Variants in TMEM178B observed in about 807,000 individuals in gnomAD.
TMEM178B encodes transmembrane protein 178B.
TMEM178B carries 5 observed loss-of-function variants against 31.0 expected under a neutral mutation model. That is an observed-to-expected ratio of 0.16 (90% CI 0.08 to 0.34). The LOEUF (loss-of-function observed/expected upper bound fraction) is 0.34. TMEM178B is among the 10% of genes least tolerant of loss of function. The pLI, the probability that TMEM178B is intolerant of heterozygous loss-of-function variation, is 1.00. For synonymous variants in TMEM178B, 164 were observed against 164.0 expected, an observed-to-expected ratio of 1.00 and a Z score of 0.00; for missense variants, 275 against 400.3, an observed-to-expected ratio of 0.69 and a Z score of 2.67.
chr7:141,150,850 C>G (rs537020355), intron 1 of TMEM178B, among the ~76,000 whole-genome samples: 6 of 152,222 alleles, frequency 3.9e-5, no homozygotes, highest in African/African-American at 1.4e-4. Context: ...AAGGGATACA[C>G]TTGGTGTAGA....
At chr7:141,335,354 T>C (rs190140664) in intron 2 of TMEM178B, among the ~76,000 whole-genome samples, 1 of 152,320 alleles carries the variant, frequency 6.6e-6, no homozygotes, top group East Asian at 1.9e-4. Context: ...TCTTCCTCTC[T>C]TCTGCCTCAG....
intron 2 of TMEM178B, among the ~76,000 whole-genome samples, chr7:141,215,821 T>A (rs1357664241): frequency 2.5e-5 from 2 of 79,812 alleles, no homozygotes; most frequent in Non-Finnish European, 5.5e-5. Context: ...TTTCTTTCTT[T>A]CTTTCTTTCT....
At chr7:141,087,497 TTAAA>T (rs921788759) in intron 1 of TMEM178B, among the ~76,000 whole-genome samples, 2 of 152,118 alleles carry the variant, frequency 1.3e-5, no homozygotes, top group African/African-American at 4.8e-5. Context: ...AGATTGAACT[TTAAA>T]TAGATAGAGC....
intron 2 of TMEM178B, among the ~76,000 whole-genome samples, chr7:141,244,848 A>T (rs918984885): frequency 6.6e-6 from 1 of 152,006 alleles, no homozygotes. Context: ...ACAAAGAAGG[A>T]TGCACAGGGC....
intron 2 of TMEM178B, among the ~76,000 whole-genome samples, chr7:141,348,465 A>G (rs1213311177): frequency 6.6e-6 from 1 of 152,220 alleles, no homozygotes; most frequent in Non-Finnish European, 1.5e-5. Context: ...GTGTTAGAAG[A>G]AAGACAGGTT....
chr7:141,197,726 G>A (rs551394658), intron 1 of TMEM178B, among the ~76,000 whole-genome samples: 73 of 152,238 alleles, frequency 4.8e-4, no homozygotes, highest in African/African-American at 1.7e-3. Context: ...TCCACCTCCT[G>A]GGTTCAAGTG....
At chr7:141,260,075 T>G (rs998534127) in intron 2 of TMEM178B, among the ~76,000 whole-genome samples, 5 of 152,162 alleles carry the variant, frequency 3.3e-5, no homozygotes, top group Non-Finnish European at 5.9e-5. Flanking sequence ...TCTGGATCTC[T>G]TTGTTGTATG....
intron 2 of TMEM178B, among the ~76,000 whole-genome samples, chr7:141,247,204 T>TACACAC (rs3035767): frequency 1.4e-3 from 216 of 150,084 alleles, no homozygotes; most frequent in African/African-American, 5.0e-3. Context: ...GGTTTCTCTC[T>TACACAC]ACACACACAC....
intron 3 of TMEM178B, among the ~76,000 whole-genome samples, chr7:141,456,568 T>C (rs1801968314): frequency 1.3e-5 from 2 of 152,158 alleles, no homozygotes; most frequent in Admixed American, 1.3e-4. Flanking sequence ...GCGGCTTTCT[T>C]TGCAAAAGCC....
chr7:141,400,840 G>A (rs540613802), intron 2 of TMEM178B, among the ~76,000 whole-genome samples: 113 of 152,332 alleles, frequency 7.4e-4, no homozygotes, highest in Non-Finnish European at 1.0e-3. Flanking sequence ...AACACAGAGT[G>A]TGCAAGGACA....
At chr7:141,195,784 T>C (rs1253129922) in intron 1 of TMEM178B, among the ~76,000 whole-genome samples, 1 of 152,186 alleles carries the variant, frequency 6.6e-6, no homozygotes, top group Non-Finnish European at 1.5e-5. Context: ...TCATTGAACT[T>C]ACAGTTCCAC....
chr7:141,293,914 A>T (rs1798588432), intron 2 of TMEM178B, among the ~76,000 whole-genome samples: 1 of 152,160 alleles, frequency 6.6e-6, no homozygotes, highest in Non-Finnish European at 1.5e-5. Flanking sequence ...AAAGAATATG[A>T]AGTTGTTATG....
At chr7:141,315,681 G>A (rs544389096) in intron 2 of TMEM178B, among the ~76,000 whole-genome samples, 40 of 152,102 alleles carry the variant, frequency 2.6e-4, no homozygotes, top group Admixed American at 2.6e-3. Flanking sequence ...AGGCCCTGAC[G>A]TGATTATAAG....
intron 3 of TMEM178B, among the ~76,000 whole-genome samples, chr7:141,469,887 G>T (rs1802208246): frequency 6.6e-6 from 1 of 152,164 alleles, no homozygotes; most frequent in Non-Finnish European, 1.5e-5. Context: ...TAACGTGGAT[G>T]ATGCGTGTTC....
chr7:141,121,503 C>G (rs921559198), intron 1 of TMEM178B, among the ~76,000 whole-genome samples: 1 of 152,180 alleles, frequency 6.6e-6, no homozygotes, highest in African/African-American at 2.4e-5. Flanking sequence ...TAGATCACCT[C>G]TTCCATGAGT....
At chr7:141,076,835 T>TA (rs1794608020) in intron 1 of TMEM178B, among the ~76,000 whole-genome samples, 1 of 152,188 alleles carries the variant, frequency 6.6e-6, no homozygotes, top group African/African-American at 2.4e-5. Flanking sequence ...TCGCCCAAAA[T>TA]ACAGCAATCA....
intron 2 of TMEM178B, among the ~76,000 whole-genome samples, chr7:141,418,563 A>G (rs1229464481): frequency 2.0e-5 from 3 of 152,178 alleles, no homozygotes; most frequent in East Asian, 1.9e-4. Context: ...CTTCACTTCC[A>G]TGGTGACCCT....
chr7:141,321,877 A>G (rs1002486443), intron 2 of TMEM178B, among the ~76,000 whole-genome samples: 1 of 151,840 alleles, frequency 6.6e-6, no homozygotes, highest in African/African-American at 2.4e-5. Context: ...ATGAAGGAAG[A>G]TGCTACAGGA....
chr7:141,397,936 T>C (rs1800686957), intron 2 of TMEM178B, among the ~76,000 whole-genome samples: 1 of 152,168 alleles, frequency 6.6e-6, no homozygotes, highest in Admixed American at 6.5e-5. Context: ...GCTGTGATAT[T>C]GGCCCCTCTG....
Sources: gnomAD v4.1 joint callset for allele counts (sites outside exome capture counted in the v4.1 genomes callset) on GRCh38, gnomAD v4.1.1 for gene constraint, MANE v1.5 for transcripts, NCBI Gene and HGNC (gene_info 2026-07-23, HGNC 2026-07-21) for gene names.